Variants in ARMH3 observed in about 807,000 individuals in gnomAD.
ARMH3 encodes the protein armadillo-like helical domain-containing protein 3.
In ARMH3, 60 loss-of-function variants were observed where a neutral mutation model predicts 99.1. The ratio of observed to expected loss-of-function variants is 0.61; its 90% CI spans 0.49 to 0.75. The LOEUF is 0.75. ARMH3 is among the 30% of genes least tolerant of loss of function. The pLI, the probability that ARMH3 is intolerant of heterozygous loss-of-function variation, is 0.00. For missense variants in ARMH3, 679 were observed against 843.1 expected (o/e 0.81, Z 2.41); for synonymous variants, 285 against 292.8 (o/e 0.97, Z 0.27).
At chr10:101,928,891 C>T (rs940650969) in intron 23 of ARMH3, among the ~76,000 whole-genome samples, 32 of 152,018 alleles carry the variant, frequency 2.1e-4, no homozygotes, top group African/African-American at 5.8e-4. Flanking sequence ...CCACCATGCC[C>T]GGCTAATTTT....
At chr10:102,052,283 G>C (rs2067726826) in intron 1 of ARMH3, among the ~76,000 whole-genome samples, 2 of 151,998 alleles carry the variant, frequency 1.3e-5, no homozygotes, top group South Asian at 4.2e-4. Context: ...GAATGCAGTG[G>C]CACAATCACA....
intron 24 of ARMH3, among the ~76,000 whole-genome samples, chr10:101,874,729 C>T (rs191005891): frequency 6.6e-4 from 100 of 152,234 alleles, no homozygotes; most frequent in Middle Eastern, 6.8e-3. Flanking sequence ...ATGAGAGATA[C>T]TACATGATCA....
At chr10:102,011,650 G>T in intron 11 of ARMH3, 73 bp downstream of exon 11, 2 of 1,276,678 alleles carry the variant, frequency 1.6e-6, no homozygotes, top group Admixed American at 2.2e-5. Context: ...GAACTTCGGA[G>T]CCCGATTTGT....
chr10:101,965,541 A>G (rs747459400), intron 20 of ARMH3, among the ~76,000 whole-genome samples: 6 of 152,196 alleles, frequency 3.9e-5, no homozygotes, highest in Non-Finnish European at 8.8e-5. Context: ...ACACTATCCT[A>G]CAAAATCCTC....
intron 24 of ARMH3, among the ~76,000 whole-genome samples, chr10:101,873,445 C>G (rs1347349699): frequency 6.6e-6 from 1 of 151,218 alleles, no homozygotes; most frequent in African/African-American, 2.4e-5. Flanking sequence ...AACAAAAAAC[C>G]CAGCGTGGCA....
intron 23 of ARMH3, among the ~76,000 whole-genome samples, chr10:101,915,670 T>C (rs1397769154): frequency 6.6e-6 from 1 of 152,158 alleles, no homozygotes; most frequent in East Asian, 1.9e-4. Flanking sequence ...GTCCCTGATA[T>C]TGTGCAAATC....
chr10:101,963,792 A>C (rs1845413457), intron 20 of ARMH3, among the ~76,000 whole-genome samples: 1 of 151,532 alleles, frequency 6.6e-6, no homozygotes, highest in South Asian at 2.1e-4. Flanking sequence ...TTAAAAGGTC[A>C]ACTTAAAATA....
At chr10:102,020,636 A>C (rs941733157) in intron 8 of ARMH3, among the ~76,000 whole-genome samples, 1 of 149,900 alleles carries the variant, frequency 6.7e-6, no homozygotes, top group African/African-American at 2.5e-5. Flanking sequence ...CAGTGACCCG[A>C]GATCACACAA....
intron 24 of ARMH3, among the ~76,000 whole-genome samples, chr10:101,850,371 G>T (rs1270455679): frequency 1.3e-5 from 2 of 149,758 alleles, no homozygotes; most frequent in Non-Finnish European, 3.0e-5. Flanking sequence ...AGTGCTGGGA[G>T]TACGGGTGTG....
chr10:102,009,594 G>T, intron 12 of ARMH3, 145 bp from the exon 13 acceptor site: 1 of 759,380 alleles, frequency 1.3e-6, no homozygotes, highest in Admixed American at 2.5e-5. Context: ...CTTGCCATTT[G>T]GGCGTATGCA....
chr10:102,031,792 T>A (rs2067137320), intron 4 of ARMH3, among the ~76,000 whole-genome samples: 1 of 152,168 alleles, frequency 6.6e-6, no homozygotes, highest in Non-Finnish European at 1.5e-5. Context: ...CAGGCTGGAG[T>A]GCAGTGGCAC....
chr10:102,004,994 G>A (rs2066450620), intron 14 of ARMH3, among the ~76,000 whole-genome samples: 1 of 152,094 alleles, frequency 6.6e-6, no homozygotes, highest in Non-Finnish European at 1.5e-5. Context: ...CACGAGGTCA[G>A]GAGATCGAGA....
At chr10:101,859,783 TG>T (rs1448309490) in intron 24 of ARMH3, among the ~76,000 whole-genome samples, 3 of 152,188 alleles carry the variant, frequency 2.0e-5, no homozygotes, top group Non-Finnish European at 4.4e-5. Context: ...CCAAAAGAGT[TG>T]TATCTCAGAC....
chr10:101,988,595 A>T (rs1846618440), intron 19 of ARMH3, among the ~76,000 whole-genome samples: 2 of 152,220 alleles, frequency 1.3e-5, no homozygotes, highest in Admixed American at 1.3e-4. Context: ...TTTCAGACCT[A>T]CGAAAGCAAG....
At chr10:101,906,531 T>C (rs563971629) in intron 23 of ARMH3, among the ~76,000 whole-genome samples, 4 of 152,276 alleles carry the variant, frequency 2.6e-5, no homozygotes, top group South Asian at 2.1e-4. Flanking sequence ...GGTTGTAGCA[T>C]TGGGGAAGAA....
chr10:101,919,530 AG>A (rs1843221689), intron 23 of ARMH3, among the ~76,000 whole-genome samples: 1 of 152,100 alleles, frequency 6.6e-6, no homozygotes, highest in African/African-American at 2.4e-5. Context: ...CTGTTCTTAG[AG>A]GGCTTTGCTT....
intron 22 of ARMH3, among the ~76,000 whole-genome samples, chr10:101,943,365 A>G (rs944018385): frequency 2.0e-5 from 3 of 152,208 alleles, no homozygotes; most frequent in Non-Finnish European, 2.9e-5. Context: ...TCCACCAGCA[A>G]GAGTGGAAAG....
chr10:102,050,836 G>A (rs896035720), intron 1 of ARMH3, among the ~76,000 whole-genome samples: 7 of 143,178 alleles, frequency 4.9e-5, no homozygotes, highest in Admixed American at 7.2e-5. Flanking sequence ...CAGCCTGGGT[G>A]ACAGAACAAG....
intron 20 of ARMH3, among the ~76,000 whole-genome samples, chr10:101,963,593 TTTTA>T (rs1339796668): frequency 9.2e-5 from 14 of 152,058 alleles, no homozygotes; most frequent in East Asian, 5.8e-4. Flanking sequence ...TGTTTTTATT[TTTTA>T]TTTATTTATT....
Sources: gnomAD v4.1 joint callset for allele counts (sites outside exome capture counted in the v4.1 genomes callset) on GRCh38, gnomAD v4.1.1 for gene constraint, MANE v1.5 for transcripts, NCBI Gene and HGNC (gene_info 2026-07-23, HGNC 2026-07-21) for gene names.